The following ESRRG variants were observed in gnomAD, a reference collection of about 807,000 sequenced individuals.
ESRRG encodes the protein estrogen related receptor gamma.
In ESRRG, 13 loss-of-function variants were observed where a neutral mutation model predicts 44.0. That is an observed-to-expected ratio of 0.30 (90% CI 0.19 to 0.47). The LOEUF (loss-of-function observed/expected upper bound fraction) is 0.47, where lower values mean the gene tolerates loss of function less well. Among genes scored for constraint, ESRRG ranks in the 20% least tolerant of loss-of-function variants. ESRRG has a pLI of 1.00. For missense variants in ESRRG, 395 were observed against 580.6 expected, an observed-to-expected ratio of 0.68 and a Z score of 3.29; for synonymous variants, 215 against 214.6, an observed-to-expected ratio of 1.00 and a Z score of -0.02.
At chr1:217,123,252 G>T (rs539431593) in intron 1 of ESRRG, among the ~76,000 whole-genome samples, 9 of 152,040 alleles carry the variant, frequency 5.9e-5, no homozygotes, top group Middle Eastern at 3.4e-3. Context: ...ATGCCTAAGG[G>T]GTCCTACATA....
At chr1:216,571,166 T>C (rs1382872811) in intron 3 of ESRRG, among the ~76,000 whole-genome samples, 1 of 152,124 alleles carries the variant, frequency 6.6e-6, no homozygotes. Flanking sequence ...ATATGCATGA[T>C]CAATTGACAG....
At chr1:216,707,069 T>C (rs1178899351) in intron 1 of ESRRG, among the ~76,000 whole-genome samples, 1 of 152,190 alleles carries the variant, frequency 6.6e-6, no homozygotes, top group African/African-American at 2.4e-5. Context: ...AAGGTTTTCT[T>C]ATAAAAACTA....
At chr1:216,643,615 C>G (rs1485457013) in intron 3 of ESRRG, among the ~76,000 whole-genome samples, 4 of 152,162 alleles carry the variant, frequency 2.6e-5, no homozygotes, top group Non-Finnish European at 5.9e-5. Flanking sequence ...CTGATGTACA[C>G]TGCCTTCTCT....
intron 2 of ESRRG, among the ~76,000 whole-genome samples, chr1:216,770,255 T>C (rs1214737857): frequency 2.0e-5 from 3 of 151,966 alleles, no homozygotes; most frequent in Admixed American, 6.6e-5. Flanking sequence ...AAAATAGGAC[T>C]GATTCAAAAG....
intron 1 of ESRRG, among the ~76,000 whole-genome samples, chr1:217,067,497 T>C (rs192766084): frequency 2.6e-5 from 4 of 151,868 alleles, no homozygotes; most frequent in Non-Finnish European, 5.9e-5. Context: ...TTAATGATGG[T>C]TTGAGGACAA....
At chr1:216,785,607 T>G (rs550382374) in intron 2 of ESRRG, among the ~76,000 whole-genome samples, 2 of 152,066 alleles carry the variant, frequency 1.3e-5, no homozygotes, top group Non-Finnish European at 2.9e-5. Context: ...AAGACTGTTA[T>G]GCAATAAAAA....
chr1:216,579,851 C>T (rs72737305), intron 3 of ESRRG, among the ~76,000 whole-genome samples: 8,029 of 152,222 alleles, frequency 0.053, 302 homozygotes, highest in Non-Finnish European at 0.079. Context: ...AGGCAGAATT[C>T]CCCATGAAAA....
At chr1:216,681,647 G>T (rs1232102738) in intron 1 of ESRRG, among the ~76,000 whole-genome samples, 1 of 152,182 alleles carries the variant, frequency 6.6e-6, no homozygotes, top group Non-Finnish European at 1.5e-5. Context: ...GTCAGCAAGG[G>T]TGAAAATTAT....
intron 1 of ESRRG, among the ~76,000 whole-genome samples, chr1:216,968,209 G>A (rs930464524): frequency 2.6e-5 from 4 of 152,104 alleles, no homozygotes; most frequent in African/African-American, 7.2e-5. Flanking sequence ...TCCCTTGACA[G>A]TGTCTTTCAC....
At chr1:216,731,152 T>C (rs761392736) in intron 2 of ESRRG, among the ~76,000 whole-genome samples, 1 of 152,220 alleles carries the variant, frequency 6.6e-6, no homozygotes. Context: ...CAAATATTTT[T>C]AAGTGTTCAA....
chr1:216,985,365 T>C (rs1471487832), intron 1 of ESRRG, among the ~76,000 whole-genome samples: 1 of 152,200 alleles, frequency 6.6e-6, no homozygotes, highest in Non-Finnish European at 1.5e-5. Context: ...CGGAGTAGCA[T>C]GCTGGAAGCT....
At chr1:216,821,233 G>A (rs7554053) in intron 2 of ESRRG, among the ~76,000 whole-genome samples, 8,614 of 152,146 alleles carry the variant, frequency 0.057, 777 homozygotes, top group African/African-American at 0.19. Context: ...TCACTAGGAC[G>A]TGCAGTTTCC....
chr1:216,795,584 A>G (rs1034605491), intron 2 of ESRRG, among the ~76,000 whole-genome samples: 4 of 150,958 alleles, frequency 2.6e-5, no homozygotes, highest in Non-Finnish European at 5.9e-5. Flanking sequence ...CAAGTGATCC[A>G]CCCGCCTCGG....
At chr1:216,889,993 T>C (rs1452603168) in intron 2 of ESRRG, among the ~76,000 whole-genome samples, 1 of 152,144 alleles carries the variant, frequency 6.6e-6, no homozygotes, top group African/African-American at 2.4e-5. Flanking sequence ...AGGCTGGGTA[T>C]GGTGGCTCAC....
intron 1 of ESRRG, among the ~76,000 whole-genome samples, chr1:217,081,217 T>C (rs1477036612): frequency 3.4e-5 from 4 of 117,244 alleles, no homozygotes; most frequent in Non-Finnish European, 5.2e-5. Context: ...TAGATAAAAA[T>C]ATTCTTTTTT....
chr1:216,694,422 G>A (rs1279097948), intron 1 of ESRRG, among the ~76,000 whole-genome samples: 2 of 152,082 alleles, frequency 1.3e-5, no homozygotes, highest in African/African-American at 4.8e-5. Flanking sequence ...CAGAAGATTT[G>A]AAATATCACA....
chr1:216,603,496 A>G (rs2059514136), intron 3 of ESRRG, among the ~76,000 whole-genome samples: 1 of 152,250 alleles, frequency 6.6e-6, no homozygotes, highest in African/African-American at 2.4e-5. Context: ...GACCCTGTGA[A>G]TATTCTACAA....
chr1:217,080,135 T>C (rs776701467), intron 1 of ESRRG, among the ~76,000 whole-genome samples: 1 of 152,258 alleles, frequency 6.6e-6, no homozygotes, highest in Non-Finnish European at 1.5e-5. Context: ...TTAGATATTA[T>C]ACTTGCTATC....
At chr1:216,523,669 C>A (rs1334150140) in intron 5 of ESRRG, among the ~76,000 whole-genome samples, 2 of 152,140 alleles carry the variant, frequency 1.3e-5, no homozygotes, top group African/African-American at 4.8e-5. Context: ...AGAGTGTTGA[C>A]AGAAATAGGC....
Sources: gnomAD v4.1 joint callset for allele counts (sites outside exome capture counted in the v4.1 genomes callset) on GRCh38, gnomAD v4.1.1 for gene constraint, MANE v1.5 for transcripts, NCBI Gene and HGNC (gene_info 2026-07-23, HGNC 2026-07-21) for gene names.